Variants in ZNF507 observed in about 807,000 individuals in gnomAD.
ZNF507 encodes zinc finger protein 507.
ZNF507 carries 29 observed loss-of-function variants against 80.0 expected under a neutral mutation model. The ratio of observed to expected loss-of-function variants is 0.36; its 90% confidence interval spans 0.27 to 0.49. The LOEUF (loss-of-function observed/expected upper bound fraction) is 0.49, where lower values mean the gene tolerates loss of function less well. Ranked by LOEUF, ZNF507 falls within the 20% of genes least tolerant of loss-of-function variation. ZNF507 has a pLI of 0.98. For missense variants in ZNF507, 1,081 were observed against 1,152.2 expected, an observed-to-expected ratio of 0.94 and a Z score of 0.90; for synonymous variants, 462 against 422.5, an observed-to-expected ratio of 1.09 and a Z score of -1.15.
intron 1 of ZNF507, among the ~76,000 whole-genome samples, chr19:32,346,294 A>T (rs941721945): frequency 6.6e-6 from 1 of 152,178 alleles, no homozygotes; most frequent in Non-Finnish European, 1.5e-5. Context: ...TCCAGAGATC[A>T]CGGAGACCAT....
At chr19:32,361,808 G>A (rs370125861) in intron 5 of ZNF507, among the ~76,000 whole-genome samples, 10 of 67,452 alleles carry the variant, frequency 1.5e-4, no homozygotes, top group Middle Eastern at 0.019. Context: ...TCCTTCCTTC[G>A]TTTCCTTCCT....
At chr19:32,374,188 A>ACATACACACT (rs57164942) in intron 5 of ZNF507, among the ~76,000 whole-genome samples, 1 of 145,724 alleles carries the variant, frequency 6.9e-6, no homozygotes, top group African/African-American at 2.5e-5. Context: ...ACACACACAC[A>ACATACACACT]CTCTCTCTCT....
At chr19:32,370,218 A>G (rs1967452078) in intron 5 of ZNF507, among the ~76,000 whole-genome samples, 1 of 152,232 alleles carries the variant, frequency 6.6e-6, no homozygotes, top group African/African-American at 2.4e-5. Flanking sequence ...CTGAACATGG[A>G]AAGGCAGATA....
At chr19:32,350,240 T>G (rs1245866980) in intron 2 of ZNF507, among the ~76,000 whole-genome samples, 1 of 152,052 alleles carries the variant, frequency 6.6e-6, no homozygotes, top group African/African-American at 2.4e-5. Flanking sequence ...TTTTATGAGA[T>G]TAACCTGTGC....
chr19:32,355,160 C>G (rs1967235254), intron 3 of ZNF507, among the ~76,000 whole-genome samples: 1 of 152,106 alleles, frequency 6.6e-6, no homozygotes, highest in Non-Finnish European at 1.5e-5. Context: ...ATCCTTTTCC[C>G]TGCCTGCTGC....
intron 5 of ZNF507, among the ~76,000 whole-genome samples, chr19:32,367,280 T>A (rs1967411263): frequency 6.6e-6 from 1 of 152,148 alleles, no homozygotes; most frequent in Admixed American, 6.5e-5. Context: ...AAGGGATCCA[T>A]CCCCATGACC....
At chr19:32,374,337 C>T (rs1209954508) in intron 5 of ZNF507, among the ~76,000 whole-genome samples, 2 of 152,000 alleles carry the variant, frequency 1.3e-5, no homozygotes, top group Non-Finnish European at 2.9e-5. Context: ...TTGATCTGGA[C>T]GGAATGTTAG....
rs1305306674 is a variant in ZNF507, at chr19:32,356,742, G to A, written c.2245+9G>A. On this transcript the variant is annotated intron_variant, in intron 4 of 6. Coordinates refer to ENST00000355898, the MANE Select transcript of ZNF507 (RefSeq NM_001136156.2). Reference sequence around the variant, plus strand: ...AAAATGTGTCCAGGAAGGTATCTATGTATTTTGTTATGCAGGCTGCAGTGA... The same window carrying A: ...AAAATGTGTCCAGGAAGGTATCTATATATTTTGTTATGCAGGCTGCAGTGA... 1 of 1,606,380 alleles carries A rather than the reference G, an allele frequency of 6.2e-7. No individual in the cohort carries two copies. Among genetic ancestry groups the A allele is most frequent in the South Asian group, 1.1e-5 (1 of 90,926 alleles).
intron 5 of ZNF507, among the ~76,000 whole-genome samples, chr19:32,361,654 C>T (rs1044493421): frequency 6.7e-6 from 1 of 149,368 alleles, no homozygotes; most frequent in Non-Finnish European, 1.5e-5. Context: ...TCTTTCCTTC[C>T]TTCCTTCTTT....
At chr19:32,370,226 A>G (rs1482623942) in intron 5 of ZNF507, among the ~76,000 whole-genome samples, 1 of 152,222 alleles carries the variant, frequency 6.6e-6, no homozygotes, top group Admixed American at 6.5e-5. Flanking sequence ...GGAAAGGCAG[A>G]TACCTGGTGA....
At chr19:32,360,668 A>G (rs899146303) in intron 5 of ZNF507, 50 bp downstream of exon 5, 2 of 1,019,330 alleles carry the variant, frequency 2.0e-6, no homozygotes, top group Non-Finnish European at 2.7e-6. Context: ...AATATTTTAT[A>G]TTAAAGAAAT....
chr19:32,384,193 A>G lies in ZNF507; in HGVS notation c.*1110A>G, dbSNP rs941221004. 4.6e-5 allele frequency: 7 copies of G among 152,218 alleles called. No homozygotes were observed. Among genetic ancestry groups the G allele is most frequent in the African/African-American group, 1.7e-4 (7 of 41,448 alleles). The allele number at this position is 152,218 out of a possible 1,614,324, so 9.4% of individuals were successfully genotyped here. A position where few individuals can be genotyped will look rare whatever the true frequency, so the allele number is the denominator to read the frequency against. On this transcript the variant is annotated 3_prime_UTR_variant, in exon 7 of 7. Transcript: ENST00000355898. The stretch of plus-strand genomic sequence containing the variant: ...AATTCAGGTTGTTTGTAAAAATTTT[A>G]ATAACAAATAGCATTTGGCAAGTCT...
Position 32,384,999 on chromosome 19 carries a change from C to T in ZNF507, c.*1916C>T, listed in dbSNP as rs1476414391. The T allele has an allele frequency of 1.3e-5, 2 of 151,944 alleles. No homozygotes were observed. Among genetic ancestry groups the T allele is most frequent in the East Asian group, 3.9e-4 (2 of 5,184 alleles). 9.4% of individuals were successfully genotyped at this position (151,944 alleles called of 1,614,324 possible). A position where few individuals can be genotyped will look rare whatever the true frequency, so the allele number is the denominator to read the frequency against. On this transcript the variant is annotated 3_prime_UTR_variant, in exon 7 of 7. Coordinates refer to ENST00000355898, the MANE Select transcript of ZNF507 (RefSeq NM_001136156.2). Reference sequence around the variant, plus strand: ...ATTATTATTACCCATACTGTTGCCACTCATATTGTAAGTCAGTTTTTTCAT... The same window carrying T: ...ATTATTATTACCCATACTGTTGCCATTCATATTGTAAGTCAGTTTTTTCAT...
At position 32,353,622 on chromosome 19, in the gene ZNF507, AAC is replaced by A; in HGVS notation, c.797_798del (p.His266ArgfsTer9). 6.2e-7 allele frequency: 1 copy of A among 1,614,190 alleles called. No individual in the cohort carries two copies. The highest frequency in any genetic ancestry group is 8.5e-7 in the Non-Finnish European group (1 of 1,180,038). On this transcript the variant is annotated frameshift_variant, in exon 3 of 7. Coordinates refer to ENST00000355898, the MANE Select transcript of ZNF507 (RefSeq NM_001136156.2). LOFTEE classifies it high-confidence loss of function. ...CTTGTGGCCAGCAGAGAATGTTGAA[AAC>A]ACACGCTTGGAAACATGCTGGGGAG... ...YTCGQQRMLK[T>X]HAWKHAGEVD...
chr19:32,382,423 G>T, intron 5 of ZNF507, 44 bp from the exon 6 acceptor site: 2 of 1,601,978 alleles, frequency 1.2e-6, no homozygotes, highest in Non-Finnish European at 1.7e-6. Flanking sequence ...TTTCACTGAT[G>T]TTATGGGACC....
intron 5 of ZNF507, among the ~76,000 whole-genome samples, chr19:32,363,499 G>T (rs1967357630): frequency 6.6e-6 from 1 of 152,248 alleles, no homozygotes; most frequent in Non-Finnish European, 1.5e-5. Flanking sequence ...TGGATCCCTG[G>T]TTCTGGGGGC....
At chr19:32,364,035 A>G (rs1389168376) in intron 5 of ZNF507, among the ~76,000 whole-genome samples, 1 of 152,238 alleles carries the variant, frequency 6.6e-6, no homozygotes, top group Non-Finnish European at 1.5e-5. Flanking sequence ...TTCCCCGCTC[A>G]TAAGGCTTTG....
intron 5 of ZNF507, among the ~76,000 whole-genome samples, chr19:32,367,380 G>A (rs985435578): frequency 2.0e-5 from 3 of 152,116 alleles, no homozygotes; most frequent in Non-Finnish European, 2.9e-5. Context: ...CTGTATCATC[G>A]GCTGTTTTCT....
At chr19:32,369,467 T>C (rs1332853532) in intron 5 of ZNF507, among the ~76,000 whole-genome samples, 5 of 152,142 alleles carry the variant, frequency 3.3e-5, no homozygotes, top group Admixed American at 1.3e-4. Context: ...TCTTTTGTCA[T>C]GTGGTTTCGT....
Sources: allele counts gnomAD v4.1 joint callset (sites outside exome capture counted in the v4.1 genomes callset), GRCh38; gene constraint gnomAD v4.1.1; transcripts MANE v1.5; gene names NCBI Gene and HGNC (gene_info 2026-07-23, HGNC 2026-07-21).